Variants in MSI2 observed in about 807,000 individuals in gnomAD.
MSI2 encodes musashi RNA binding protein 2.
Under a neutral mutation model 45.6 loss-of-function variants are expected in MSI2, and 17 were observed. That is an observed-to-expected ratio of 0.37 (90% CI 0.26 to 0.56). The LOEUF (loss-of-function observed/expected upper bound fraction) is 0.56, where lower values mean the gene tolerates loss of function less well. MSI2 is among the 20% of genes least tolerant of loss of function. MSI2 has a pLI of 0.77. For synonymous variants in MSI2, 156 were observed against 158.2 expected (o/e 0.99, Z 0.11); for missense variants, 293 against 444.2 (o/e 0.66, Z 3.06).
At chr17:57,539,093 G>C (rs2086984951) in intron 7 of MSI2, among the ~76,000 whole-genome samples, 1 of 152,028 alleles carries the variant, frequency 6.6e-6, no homozygotes, top group Non-Finnish European at 1.5e-5. Context: ...ATAAAAAAGT[G>C]TTTGCTCCTT....
chr17:57,331,495 C>A (rs1388947777), intron 5 of MSI2, among the ~76,000 whole-genome samples: 1 of 152,122 alleles, frequency 6.6e-6, no homozygotes, highest in Non-Finnish European at 1.5e-5. Context: ...CTGGTGAGGA[C>A]CATGGGTGAG....
intron 7 of MSI2, among the ~76,000 whole-genome samples, chr17:57,554,246 G>C (rs58069533): frequency 7.3e-5 from 11 of 151,200 alleles, no homozygotes; most frequent in Non-Finnish European, 1.5e-4. Context: ...GGAGGGGGGG[G>C]ATGGTTCTTA....
Position 57,299,925 on chromosome 17 carries a change from G to C in MSI2, c.312+37733G>C, listed in dbSNP as rs144674588. ...GGCATTCATAGTGATGACCTCTAGG[G>C]AGGGCAGATTATTTCCTTGCTGCCT... On this transcript the variant is annotated intron_variant, in intron 5 of 13. Transcript: ENST00000284073. 1.1e-4 allele frequency among the ~76,000 whole-genome samples: 16 copies of C among 152,304 alleles called. 1 individual carries two copies. In the East Asian group the frequency reaches 3.1e-3, roughly 29 times the overall value.
chr17:57,293,329 G>T (rs74798269), intron 5 of MSI2, among the ~76,000 whole-genome samples: 5,644 of 152,070 alleles, frequency 0.037, 333 homozygotes, highest in African/African-American at 0.12. Context: ...TGTACAGCTC[G>T]CATTCCAGCA....
chr17:57,416,807 T>C (rs1490784296), intron 6 of MSI2, among the ~76,000 whole-genome samples: 1 of 152,152 alleles, frequency 6.6e-6, no homozygotes, highest in Non-Finnish European at 1.5e-5. Flanking sequence ...CTGGTGATCA[T>C]GGGAACAACT....
intron 9 of MSI2, among the ~76,000 whole-genome samples, chr17:57,623,825 C>G (rs939966988): frequency 1.3e-5 from 2 of 152,204 alleles, no homozygotes; most frequent in African/African-American, 4.8e-5. Flanking sequence ...GTGAACCATT[C>G]GAGCAGAGCT....
At chr17:57,592,693 T>G (rs972012702) in intron 7 of MSI2, among the ~76,000 whole-genome samples, 10 of 152,108 alleles carry the variant, frequency 6.6e-5, no homozygotes, top group African/African-American at 2.4e-4. Context: ...TTGAGTCCTG[T>G]GGGGTTAGGA....
At chr17:57,517,745 TG>T (rs1484213749) in intron 6 of MSI2, among the ~76,000 whole-genome samples, 2 of 152,112 alleles carry the variant, frequency 1.3e-5, no homozygotes, top group Non-Finnish European at 2.9e-5. Flanking sequence ...GCCTGGGGCT[TG>T]GGAAACCTGC....
At chr17:57,309,400 C>A (rs1443991875) in intron 5 of MSI2, among the ~76,000 whole-genome samples, 1 of 152,192 alleles carries the variant, frequency 6.6e-6, no homozygotes, top group Non-Finnish European at 1.5e-5. Flanking sequence ...CATATTCCCC[C>A]TCTGCCACCA....
intron 2 of MSI2, 87 bp downstream of exon 2, chr17:57,257,225 C>G (rs1372156407): frequency 7.6e-5 from 41 of 542,974 alleles, no homozygotes; most frequent in East Asian, 5.3e-4. Flanking sequence ...AGCCCCCCCC[C>G]CCCCGCCATT....
intron 11 of MSI2, among the ~76,000 whole-genome samples, chr17:57,671,963 T>C (rs972784536): frequency 2.0e-5 from 3 of 152,062 alleles, no homozygotes; most frequent in Admixed American, 2.0e-4. Flanking sequence ...CTGTGGAAAA[T>C]AGAGGCTCCT....
chr17:57,478,554 A>G (rs2085585907), intron 6 of MSI2, among the ~76,000 whole-genome samples: 1 of 152,216 alleles, frequency 6.6e-6, no homozygotes, highest in African/African-American at 2.4e-5. Context: ...TAGACAGATT[A>G]CCACTGACGT....
intron 5 of MSI2, among the ~76,000 whole-genome samples, chr17:57,321,362 G>A (rs1372510501): frequency 6.6e-6 from 1 of 152,068 alleles, no homozygotes; most frequent in Non-Finnish European, 1.5e-5. Flanking sequence ...ATGGCAAGGT[G>A]ACTCAGAACA....
At chr17:57,604,209 C>G (rs1353905363) in intron 8 of MSI2, among the ~76,000 whole-genome samples, 2 of 152,190 alleles carry the variant, frequency 1.3e-5, no homozygotes, top group African/African-American at 4.8e-5. Context: ...TGTGGTAGTG[C>G]CTACCTCGGA....
At chr17:57,548,898 T>TCCCCCCCCCCCCCCCCCCCCC (rs758120237) in intron 7 of MSI2, among the ~76,000 whole-genome samples, 22 of 121,284 alleles carry the variant, frequency 1.8e-4, no homozygotes, top group African/African-American at 3.1e-4. Flanking sequence ...TGTTTACCCT[T>TCCCCCCCCCCCCCCCCCCCCC]CCCCCCCCCA....
intron 6 of MSI2, among the ~76,000 whole-genome samples, chr17:57,496,213 C>T (rs1390224239): frequency 2.6e-5 from 4 of 152,160 alleles, no homozygotes; most frequent in African/African-American, 7.2e-5. Context: ...GTCAATCACC[C>T]GGTGGATGCC....
chr17:57,436,699 G>A (rs1465690834), intron 6 of MSI2, among the ~76,000 whole-genome samples: 4 of 152,306 alleles, frequency 2.6e-5, no homozygotes, highest in Admixed American at 2.0e-4. Flanking sequence ...GAAAGATGCC[G>A]CTTGCTGTGG....
intron 6 of MSI2, among the ~76,000 whole-genome samples, chr17:57,494,985 C>T (rs1490479393): frequency 6.6e-6 from 1 of 152,090 alleles, no homozygotes; most frequent in Non-Finnish European, 1.5e-5. Context: ...AAAAAAACAA[C>T]AGTGGAACAC....
chr17:57,273,016 T>C (rs1283911761), intron 5 of MSI2, among the ~76,000 whole-genome samples: 1 of 152,210 alleles, frequency 6.6e-6, no homozygotes, highest in Non-Finnish European at 1.5e-5. Flanking sequence ...CTTTCAGATA[T>C]ACTACTTAAT....
Sources: allele counts gnomAD v4.1 joint callset (sites outside exome capture counted in the v4.1 genomes callset), GRCh38; gene constraint gnomAD v4.1.1; transcripts MANE v1.5; gene names NCBI Gene and HGNC (gene_info 2026-07-23, HGNC 2026-07-21).